The following SLC30A9 variants were observed in gnomAD, a reference collection of about 807,000 sequenced individuals.
SLC30A9 encodes the protein proton-coupled zinc antiporter SLC30A9, mitochondrial.
Under a neutral mutation model 87.5 loss-of-function variants are expected in SLC30A9, and 58 were observed. That is an observed-to-expected ratio of 0.66 (90% confidence interval 0.54 to 0.82). The LOEUF (loss-of-function observed/expected upper bound fraction) is 0.82, where lower values mean the gene tolerates loss of function less well. Among genes scored for constraint, SLC30A9 ranks in the 40% least tolerant of loss-of-function variants. The probability of loss-of-function intolerance (pLI) is 0.00; values close to 1 mark genes in which losing one functional copy is unlikely to be tolerated. For synonymous variants in SLC30A9, 234 were observed against 233.0 expected (o/e 1.00, Z -0.04); for missense variants, 557 against 679.1 (o/e 0.82, Z 2.00).
intron 1 of SLC30A9, among the ~76,000 whole-genome samples, chr4:41,993,639 C>T (rs937317143): frequency 1.2e-4 from 18 of 152,168 alleles, no homozygotes; most frequent in African/African-American, 4.3e-4. Flanking sequence ...CAGGAACTCT[C>T]TTAACTACTG....
chr4:42,078,906 T>C (rs909982289), intron 17 of SLC30A9: 1 of 152,224 alleles, frequency 6.6e-6, no homozygotes, highest in African/African-American at 2.4e-5. Context: ...TGATCTTTAA[T>C]GTATATAATT....
chr4:42,059,793 A>C (rs1447363787), intron 9 of SLC30A9, among the ~76,000 whole-genome samples: 1 of 152,180 alleles, frequency 6.6e-6, no homozygotes, highest in African/African-American at 2.4e-5. Context: ...TGTACTGTAC[A>C]TACTGTTCCT....
At chr4:42,011,361 A>G (rs1715435494) in intron 2 of SLC30A9, among the ~76,000 whole-genome samples, 1 of 152,144 alleles carries the variant, frequency 6.6e-6, no homozygotes, top group Non-Finnish European at 1.5e-5. Context: ...CCCTTGACAC[A>G]TGGGGATTAT....
intron 1 of SLC30A9, among the ~76,000 whole-genome samples, chr4:41,991,709 A>G (rs1484010571): frequency 1.3e-5 from 2 of 152,148 alleles, no homozygotes; most frequent in African/African-American, 4.8e-5. Context: ...TTTGAGCCCA[A>G]TAGTTCTAGG....
chr4:42,074,457 T>G (rs1006454189), intron 15 of SLC30A9, among the ~76,000 whole-genome samples: 3 of 152,194 alleles, frequency 2.0e-5, no homozygotes, highest in Non-Finnish European at 4.4e-5. Context: ...TCTCAGCAGT[T>G]TCTAGGGAAG....
At chr4:42,051,596 T>C (rs1016762202) in intron 9 of SLC30A9, among the ~76,000 whole-genome samples, 4 of 152,134 alleles carry the variant, frequency 2.6e-5, no homozygotes, top group African/African-American at 7.2e-5. Context: ...TAAAAAAATA[T>C]ATCTGGTGTG....
At chr4:41,993,174 A>T (rs1209367219) in intron 1 of SLC30A9, among the ~76,000 whole-genome samples, 3 of 150,372 alleles carry the variant, frequency 2.0e-5, no homozygotes, top group African/African-American at 7.3e-5. Context: ...AAATTTATAT[A>T]TTTTAATAAT....
At chr4:42,050,243 G>A (rs865959393) in intron 9 of SLC30A9, among the ~76,000 whole-genome samples, 3 of 152,044 alleles carry the variant, frequency 2.0e-5, no homozygotes, top group African/African-American at 7.2e-5. Flanking sequence ...ATAAAAGTAA[G>A]GAAAGAAGAC....
chr4:42,045,761 C>G (rs34215985), intron 8 of SLC30A9, among the ~76,000 whole-genome samples: 98,304 of 150,960 alleles, frequency 0.65, 36,453 homozygotes, highest in East Asian at 0.96. Flanking sequence ...CTGGCAGAGA[C>G]ACACAAAAAA....
intron 17 of SLC30A9, among the ~76,000 whole-genome samples, chr4:42,084,445 G>A (rs1398155329): frequency 6.6e-6 from 1 of 150,986 alleles, no homozygotes; most frequent in East Asian, 1.9e-4. Context: ...GTTGATTTAG[G>A]TGCCCTTCCT....
chr4:42,064,566 TTGGCCACTTTA>T (rs1307191789), intron 11 of SLC30A9, among the ~76,000 whole-genome samples: 2 of 152,234 alleles, frequency 1.3e-5, no homozygotes, highest in African/African-American at 4.8e-5. Flanking sequence ...CTGAAAAGAT[TTGGCCACTTTA>T]TGGGTACTTC....
chr4:42,040,482 G>GTA (rs1716876027), intron 8 of SLC30A9, among the ~76,000 whole-genome samples: 1 of 152,094 alleles, frequency 6.6e-6, no homozygotes, highest in African/African-American at 2.4e-5. Flanking sequence ...AGGAATGTAT[G>GTA]TATATATAGT....
At chr4:42,036,085 A>G (rs1716666539) in intron 7 of SLC30A9, among the ~76,000 whole-genome samples, 1 of 152,210 alleles carries the variant, frequency 6.6e-6, no homozygotes, top group African/African-American at 2.4e-5. Flanking sequence ...TACAAAATCA[A>G]TGGATACTCA....
chr4:42,000,477 C>A (rs948981127), intron 1 of SLC30A9, among the ~76,000 whole-genome samples: 2 of 151,962 alleles, frequency 1.3e-5, no homozygotes, highest in Non-Finnish European at 1.5e-5. Flanking sequence ...AAAATAGACA[C>A]AAATGACCAA....
intron 4 of SLC30A9, 132 bp downstream of exon 4, chr4:42,020,647 A>G (rs917158483): frequency 4.0e-6 from 2 of 501,582 alleles, no homozygotes; most frequent in Non-Finnish European, 6.9e-6. Flanking sequence ...ATGAAGAGAT[A>G]TTTTTATTCA....
At chr4:42,000,396 T>G (rs1714928924) in intron 1 of SLC30A9, among the ~76,000 whole-genome samples, 1 of 152,104 alleles carries the variant, frequency 6.6e-6, no homozygotes, top group African/African-American at 2.4e-5. Context: ...ACTAATTATT[T>G]TTGCTAGTAG....
chr4:42,021,477 G>A (rs1339658883), intron 4 of SLC30A9, among the ~76,000 whole-genome samples: 2 of 152,058 alleles, frequency 1.3e-5, no homozygotes, highest in Non-Finnish European at 2.9e-5. Context: ...TTGTTTCATT[G>A]CTTTAACAAA....
chr4:42,044,386 CAA>C (rs57572080), intron 8 of SLC30A9, among the ~76,000 whole-genome samples: 192 of 98,672 alleles, frequency 1.9e-3, no homozygotes, highest in East Asian at 4.4e-3. Flanking sequence ...AAATGGAAAG[CAA>C]AAAAAAAAAA....
chr4:41,993,524 C>T (rs191669782), intron 1 of SLC30A9, among the ~76,000 whole-genome samples: 554 of 152,200 alleles, frequency 3.6e-3, no homozygotes, highest in Admixed American at 6.7e-3. Context: ...AAAAATGTTC[C>T]ATACTGAAAA....
Sources: allele counts gnomAD v4.1 joint callset (sites outside exome capture counted in the v4.1 genomes callset), GRCh38; gene constraint gnomAD v4.1.1; transcripts MANE v1.5; gene names NCBI Gene and HGNC (gene_info 2026-07-23, HGNC 2026-07-21).